The following MAF variants were observed in gnomAD, a reference collection of about 807,000 sequenced individuals.
MAF encodes transcription factor Maf.
MAF carries 10 observed loss-of-function variants against 22.0 expected under a neutral mutation model. That is an observed-to-expected ratio of 0.45 (90% CI 0.28 to 0.77). MAF has a LOEUF of 0.77. Ranked by LOEUF, MAF falls within the 30% of genes least tolerant of loss-of-function variation. The probability of loss-of-function intolerance (pLI) is 0.12; values close to 1 mark genes in which losing one functional copy is unlikely to be tolerated. For synonymous variants in MAF, 337 were observed against 255.8 expected, an observed-to-expected ratio of 1.32 and a Z score of -3.03; for missense variants, 544 against 548.4, an observed-to-expected ratio of 0.99 and a Z score of 0.08.
At chr16:79,502,752 T>A in the MAF span, among the ~76,000 whole-genome samples, 1 of 124,084 alleles carries the variant, frequency 8.1e-6, no homozygotes, top group African/African-American at 3.6e-5. Context: ...TATATATATA[T>A]ATAAAGACTC....
chr16:79,345,114 G>C, the MAF span, among the ~76,000 whole-genome samples: 5 of 152,254 alleles, frequency 3.3e-5, no homozygotes, highest in East Asian at 9.7e-4. Context: ...CTCAGTAAAT[G>C]TACCCTAACC....
chr16:79,404,943 C>A, the MAF span, among the ~76,000 whole-genome samples: 1 of 152,178 alleles, frequency 6.6e-6, no homozygotes. Flanking sequence ...TCAGCATGTA[C>A]TTATGGGGTG....
the MAF span, among the ~76,000 whole-genome samples, chr16:79,560,100 G>A: frequency 6.6e-6 from 1 of 151,940 alleles, no homozygotes; most frequent in Non-Finnish European, 1.5e-5. Flanking sequence ...TTGTAGAGAT[G>A]GGGTCTTGCT....
At chr16:79,357,417 G>A in the MAF span, among the ~76,000 whole-genome samples, 2 of 152,190 alleles carry the variant, frequency 1.3e-5, no homozygotes, top group African/African-American at 4.8e-5. Flanking sequence ...GGGCAACAGA[G>A]TGAGACACTG....
At chr16:79,333,754 G>A in the MAF span, among the ~76,000 whole-genome samples, 3 of 152,270 alleles carry the variant, frequency 2.0e-5, no homozygotes, top group South Asian at 6.2e-4. Context: ...CACCTCACCT[G>A]GATCTGGTGA....
chr16:79,526,688 C>G, the MAF span, among the ~76,000 whole-genome samples: 2 of 152,164 alleles, frequency 1.3e-5, no homozygotes, highest in African/African-American at 4.8e-5. Context: ...CAAAACAAAA[C>G]ACTGTGGTAA....
chr16:79,384,517 G>A, the MAF span, among the ~76,000 whole-genome samples: 1,694 of 150,716 alleles, frequency 0.011, 62 homozygotes, highest in East Asian at 0.088. Context: ...CAGCACTTTG[G>A]GAGGCCGAGG....
chr16:79,382,062 G>T, the MAF span, among the ~76,000 whole-genome samples: 4 of 152,128 alleles, frequency 2.6e-5, no homozygotes, highest in Non-Finnish European at 5.9e-5. Flanking sequence ...TTAGGTCAAA[G>T]TGAGACATTT....
chr16:79,297,011 T>C, the MAF span, among the ~76,000 whole-genome samples: 1 of 152,342 alleles, frequency 6.6e-6, no homozygotes, highest in South Asian at 2.1e-4. Flanking sequence ...TTGCACGGTG[T>C]CTTTGCTGCT....
At chr16:79,488,486 T>C in the MAF span, among the ~76,000 whole-genome samples, 3 of 152,146 alleles carry the variant, frequency 2.0e-5, no homozygotes, top group African/African-American at 4.8e-5. Flanking sequence ...TGGAAGTCTA[T>C]AATGTAACAT....
the MAF span, among the ~76,000 whole-genome samples, chr16:79,264,270 G>C: frequency 6.6e-6 from 1 of 152,224 alleles, no homozygotes; most frequent in Non-Finnish European, 1.5e-5. Flanking sequence ...GATTTGGACA[G>C]TTGTAAGGGA....
At chr16:79,326,058 C>T in the MAF span, among the ~76,000 whole-genome samples, 1 of 152,216 alleles carries the variant, frequency 6.6e-6, no homozygotes, top group Non-Finnish European at 1.5e-5. Flanking sequence ...GTTGTGCCAC[C>T]TTTGGCAACC....
At chr16:79,383,563 T>C in the MAF span, among the ~76,000 whole-genome samples, 1 of 152,232 alleles carries the variant, frequency 6.6e-6, no homozygotes, top group African/African-American at 2.4e-5. Flanking sequence ...CAAGTATGCT[T>C]TGATCTCAAG....
At chr16:79,226,899 G>T in the MAF span, among the ~76,000 whole-genome samples, 1 of 152,170 alleles carries the variant, frequency 6.6e-6, no homozygotes, top group African/African-American at 2.4e-5. Context: ...CAGTCATGGA[G>T]CCTCCAGAAA....
the MAF span, among the ~76,000 whole-genome samples, chr16:79,216,355 A>G: frequency 4.6e-5 from 7 of 152,248 alleles, no homozygotes; most frequent in Admixed American, 2.6e-4. Context: ...TATTGCATAT[A>G]TATGTGTATA....
chr16:79,421,619 T>C, the MAF span, among the ~76,000 whole-genome samples: 1 of 148,990 alleles, frequency 6.7e-6, no homozygotes, highest in Non-Finnish European at 1.5e-5. Flanking sequence ...GAAAGACAGT[T>C]AGTAAATGAA....
chr16:79,331,549 G>C, the MAF span, among the ~76,000 whole-genome samples: 2 of 152,042 alleles, frequency 1.3e-5, no homozygotes, highest in South Asian at 4.1e-4. Context: ...GACATCCACC[G>C]CTCTTCTTAC....
the MAF span, among the ~76,000 whole-genome samples, chr16:79,313,900 T>C: frequency 3.3e-5 from 5 of 152,156 alleles, no homozygotes; most frequent in Admixed American, 3.3e-4. Context: ...AGCCTGCCTG[T>C]TCATAAGAAA....
chr16:79,292,449 T>C, the MAF span, among the ~76,000 whole-genome samples: 2 of 152,352 alleles, frequency 1.3e-5, no homozygotes, highest in Middle Eastern at 6.8e-3. Context: ...ACTATTCAAC[T>C]TCTGGCCTCT....
Sources: gnomAD v4.1 joint callset for allele counts (sites outside exome capture counted in the v4.1 genomes callset) on GRCh38, gnomAD v4.1.1 for gene constraint, MANE v1.5 for transcripts, NCBI Gene and HGNC (gene_info 2026-07-23, HGNC 2026-07-21) for gene names.